SLC5A6: variants seen among roughly 807,000 people sequenced by gnomAD.
The protein encoded by SLC5A6 is sodium-dependent multivitamin transporter.
In SLC5A6, 31 loss-of-function variants were observed where a neutral mutation model predicts 67.9. That is an observed-to-expected ratio of 0.46 (90% CI 0.34 to 0.62). The LOEUF (loss-of-function observed/expected upper bound fraction) is 0.62, where lower values mean the gene tolerates loss of function less well. Among genes scored for constraint, SLC5A6 ranks in the 20% least tolerant of loss-of-function variants. The probability of loss-of-function intolerance (pLI) is 0.01; values close to 1 mark genes in which losing one functional copy is unlikely to be tolerated. For synonymous variants in SLC5A6, 343 were observed against 331.0 expected (o/e 1.04, Z -0.39); for missense variants, 673 against 812.8 (o/e 0.83, Z 2.09).
chr2:27,205,151 G>C, intron 7 of SLC5A6, 199 bp downstream of exon 7: 1 of 704,500 alleles, frequency 1.4e-6, no homozygotes, highest in Non-Finnish European at 2.3e-6. Flanking sequence ...CTCATCCCAG[G>C]TAATGTCCTG....
intron 2 of SLC5A6, among the ~76,000 whole-genome samples, chr2:27,210,021 G>C (rs971050979): frequency 1.3e-5 from 2 of 152,130 alleles, no homozygotes; most frequent in Non-Finnish European, 2.9e-5. Context: ...GGGAGTAAGA[G>C]GAAAGAAGAG....
rs892108675 is a variant in SLC5A6 at position 27,201,761 on chromosome 2, C to A, written c.1449G>T (p.Met483Ile). Reference sequence around the variant, plus strand: ...TGGACCCATTAGAGGGAGAGGGTGGCATGCTGGAGCCCATGCTGGTCACGA... The same window carrying A: ...TGGACCCATTAGAGGGAGAGGGTGGAATGCTGGAGCCCATGCTGGTCACGA... ...GSIVTSMGSS[M>I]PPSPSNGSSF... The change falls in exon 14 of 17, where the codon ATG (methionine) becomes ATT (isoleucine). Residue 483 changes from methionine (M) to isoleucine (I), a missense_variant. Physicochemically the swap from Met to Ile is conservative, Grantham distance 10. Coordinates refer to ENST00000310574, the MANE Select transcript of SLC5A6 (RefSeq NM_021095.4). The A allele has an allele frequency of 6.2e-7, 1 of 1,614,052 alleles. No individual in the cohort carries two copies. The highest frequency in any genetic ancestry group is 8.5e-7 in the Non-Finnish European group (1 of 1,180,020).
In SLC5A6 at chr2:27,207,377, T is replaced by C; in HGVS notation, c.274A>G (p.Ile92Val). Residue 92 changes from isoleucine (I) to valine (V), a missense_variant, in exon 3 of 17, where the codon ATC becomes GTC. Coordinates refer to ENST00000310574, the MANE Select transcript of SLC5A6 (RefSeq NM_021095.4). The surrounding 1 kb of genome is among the most constrained non-coding windows in gnomAD (Gnocchi z 5.5). ...AVAILGVPSE[I>V]YRFGTQYWFL... Reference sequence around the variant, plus strand: ...CAATATTGGGTCCCAAATCGGTAGATCTCTGACGGCACACCCAGGATGGCC... The same window carrying C: ...CAATATTGGGTCCCAAATCGGTAGACCTCTGACGGCACACCCAGGATGGCC... 1 of 1,614,054 alleles carries C rather than the reference T, an allele frequency of 6.2e-7. No individual in the cohort carries two copies. Among genetic ancestry groups the C allele is most frequent in the Non-Finnish European group, 8.5e-7 (1 of 1,180,012 alleles).
intron 16 of SLC5A6, 118 bp from the exon 17 acceptor site, chr2:27,200,697 G>T (rs1034892963): frequency 1.0e-6 from 1 of 995,310 alleles, no homozygotes; most frequent in Non-Finnish European, 1.5e-6. Flanking sequence ...GTTCGGGAGG[G>T]AGAGCAGGGG....
intron 9 of SLC5A6, 114 bp from the exon 10 acceptor site, chr2:27,203,981 AT>A: frequency 1.4e-6 from 1 of 732,014 alleles, no homozygotes; most frequent in Non-Finnish European, 2.3e-6. Context: ...GACTGGGTGC[AT>A]TACAAGGGAA....
Position 27,207,156 on chromosome 2 carries a change from T to C in SLC5A6, c.393+102A>G. 7.9e-7 allele frequency: 1 copy of C among 1,259,798 alleles called. No homozygotes were observed. The highest frequency in any genetic ancestry group is 1.1e-6 in the Non-Finnish European group (1 of 882,522). 78.0% of individuals were successfully genotyped at this position (1,259,798 alleles called of 1,614,324 possible). ...ACAATGAGTTTTCTGTCCCTCTCAT[T>C]AGGTGGAGGAGGTCTAGGGTCCCAG... is the stretch of plus-strand genomic sequence containing the variant. On this transcript the variant is annotated intron_variant, in intron 3 of 16. Coordinates refer to ENST00000310574, the MANE Select transcript of SLC5A6 (RefSeq NM_021095.4). This position sits in a 1 kb window ranked among gnomAD's most constrained non-coding sequence, Gnocchi z 5.5.
intron 2 of SLC5A6, among the ~76,000 whole-genome samples, chr2:27,209,233 G>T (rs926207373): frequency 1.3e-5 from 2 of 152,110 alleles, no homozygotes; most frequent in Non-Finnish European, 2.9e-5. Context: ...TTCTCCAAGC[G>T]TATCATATTG....
chr2:27,209,609 C>A (rs564585491), intron 2 of SLC5A6, among the ~76,000 whole-genome samples: 2 of 152,188 alleles, frequency 1.3e-5, no homozygotes, highest in Admixed American at 1.3e-4. Flanking sequence ...AGAACCAGGA[C>A]AGGAGCAGAG....
chr2:27,201,501 T>C (rs1673631195), intron 14 of SLC5A6, 48 bp from the exon 15 acceptor site: 1 of 1,421,052 alleles, frequency 7.0e-7, no homozygotes, highest in Admixed American at 1.7e-5. Context: ...TGGCAGGGCA[T>C]TCCTTGGGCA....
intron 9 of SLC5A6, 55 bp downstream of exon 9, chr2:27,204,406 A>G: frequency 6.5e-7 from 1 of 1,547,364 alleles, no homozygotes. Context: ...CTACCTAGAC[A>G]CTCCTGTTGT....
chr2:27,207,751 T>C lies in SLC5A6; in HGVS notation c.-101A>G, dbSNP rs1674181667. The C allele has an allele frequency of 2.2e-5, 24 of 1,103,110 alleles. No individual in the cohort carries two copies. The South Asian group carries it at 3.1e-4, about 14-fold the overall frequency. The allele number at this position is 1,103,110 out of a possible 1,614,324, so 68.3% of individuals were successfully genotyped here. A position where few individuals can be genotyped will look rare whatever the true frequency, so the allele number is the denominator to read the frequency against. On this transcript the variant is annotated 5_prime_UTR_variant, in exon 3 of 17. Coordinates refer to ENST00000310574, the MANE Select transcript of SLC5A6 (RefSeq NM_021095.4). The surrounding 1 kb of genome is among the most constrained non-coding windows in gnomAD (Gnocchi z 5.5). ...TACAATCTGGCTTCCAGCCACAGTC[T>C]CACAGTCTTCCTCCACGGAGTGATA...
chr2:27,201,529 G>A (rs1461751321), intron 14 of SLC5A6, 76 bp from the exon 15 acceptor site: 38 of 1,348,518 alleles, frequency 2.8e-5, no homozygotes, highest in East Asian at 4.6e-5. Flanking sequence ...CTACTTGCCC[G>A]CATGGTCCCA....
intron 16 of SLC5A6, 61 bp downstream of exon 16, chr2:27,200,937 G>C: frequency 9.0e-7 from 1 of 1,114,824 alleles, no homozygotes; most frequent in Non-Finnish European, 1.3e-6. Flanking sequence ...AAGGGAACCT[G>C]AAGAGTCAGT....
At chr2:27,203,948 A>G (rs1199950379) in intron 9 of SLC5A6, 81 bp from the exon 10 acceptor site, 19 of 1,018,776 alleles carry the variant, frequency 1.9e-5, no homozygotes, top group Non-Finnish European at 2.6e-5. Context: ...CTCCCTTTAC[A>G]TGTGCCCCAG....
At chr2:27,202,705 C>T (rs1015127280) in intron 12 of SLC5A6, 108 bp downstream of exon 12, 28 of 962,406 alleles carry the variant, frequency 2.9e-5, no homozygotes, top group East Asian at 1.5e-4. Flanking sequence ...GAATCTCTTA[C>T]GCCTGCCCCC....
chr2:27,211,918 T>G, intron 1 of SLC5A6, 102 bp downstream of exon 1: 1 of 380,722 alleles, frequency 2.6e-6, no homozygotes, highest in Non-Finnish European at 4.6e-6. Context: ...TCTCCACACG[T>G]GGGTAGCCAG....
chr2:27,212,062 C>T lies in SLC5A6; in HGVS notation c.-250G>A, dbSNP rs1270162198. ...GCCCGAGTTTCTGCGAAGCCGCGAC[C>T]TCGGCGTCCGGACGCGGGGAACACC... On this transcript the variant is annotated 5_prime_UTR_variant, in exon 1 of 17. Transcript: ENST00000310574. 2.6e-6 allele frequency: 3 copies of T among 1,167,852 alleles called. No homozygotes were observed. Among genetic ancestry groups the T allele is most frequent in the South Asian group, 3.1e-5 (2 of 63,784 alleles). 72.3% of individuals were successfully genotyped at this position (1,167,852 alleles called of 1,614,324 possible).
chr2:27,205,153 AAT>A (rs1673961789), intron 7 of SLC5A6, 195 bp downstream of exon 7: 1 of 703,838 alleles, frequency 1.4e-6, no homozygotes, highest in African/African-American at 1.8e-5. Flanking sequence ...CATCCCAGGT[AAT>A]GTCCTGACTC....
chr2:27,212,042 A>T lies in SLC5A6; in HGVS notation c.-230T>A, dbSNP rs932126810. 10 of 903,866 alleles carry T rather than the reference A, an allele frequency of 1.1e-5. No individual in the cohort carries two copies. The highest frequency in any genetic ancestry group is 1.6e-5 in the Non-Finnish European group (10 of 625,312). The allele number at this position is 903,866 out of a possible 1,614,324, so 56.0% of individuals were successfully genotyped here. ...TACTGAGGGCGGATGGAGGGGCCCG[A>T]GTTTCTGCGAAGCCGCGACCTCGGC... On this transcript the variant is annotated 5_prime_UTR_variant, in exon 1 of 17. Transcript: ENST00000310574.
Sources: allele counts gnomAD v4.1 joint callset (sites outside exome capture counted in the v4.1 genomes callset), GRCh38; gene constraint gnomAD v4.1.1; non-coding constraint Gnocchi (gnomAD v3.1); transcripts MANE v1.5; gene names NCBI Gene and HGNC (gene_info 2026-07-23, HGNC 2026-07-21).